ERGIC1: variants seen among roughly 807,000 people sequenced by gnomAD.
The protein encoded by ERGIC1 is endoplasmic reticulum-Golgi intermediate compartment protein 1.
A neutral mutation model predicts 38.3 loss-of-function variants in ERGIC1; 19 were observed. The observed-to-expected ratio is 0.50, with a 90% CI of 0.35 to 0.73. The LOEUF is 0.73. Among genes scored for constraint, ERGIC1 ranks in the 30% least tolerant of loss-of-function variants. ERGIC1 has a pLI of 0.01. For missense variants in ERGIC1, 294 were observed against 389.2 expected (o/e 0.76, Z 2.06); for synonymous variants, 124 against 157.6 (o/e 0.79, Z 1.60).
At chr5:172,839,858 C>A (rs887864432) in intron 1 of ERGIC1, among the ~76,000 whole-genome samples, 2 of 152,186 alleles carry the variant, frequency 1.3e-5, no homozygotes, top group Non-Finnish European at 2.9e-5. Context: ...CGTTCCCGTT[C>A]CTGGAGCTGG....
chr5:172,866,849 CT>C (rs986901566), intron 1 of ERGIC1: 2 of 302,682 alleles, frequency 6.6e-6, no homozygotes, highest in African/African-American at 4.5e-5. Flanking sequence ...TGGAGGTTTT[CT>C]TGACTCTAGC....
intron 4 of ERGIC1, among the ~76,000 whole-genome samples, chr5:172,913,819 T>C (rs17660328): frequency 0.27 from 40,625 of 152,096 alleles, 5,761 homozygotes; most frequent in South Asian, 0.33. Flanking sequence ...CTTTGTGCAT[T>C]CCTGGTGCTT....
chr5:172,860,541 G>A (rs921491356), intron 1 of ERGIC1, among the ~76,000 whole-genome samples: 3 of 152,250 alleles, frequency 2.0e-5, no homozygotes, highest in African/African-American at 7.2e-5. Context: ...CTGCATGCAC[G>A]GGAGCTCTTT....
chr5:172,949,151 A>T (rs1175865902), intron 9 of ERGIC1, among the ~76,000 whole-genome samples: 1 of 152,224 alleles, frequency 6.6e-6, no homozygotes, highest in Non-Finnish European at 1.5e-5. Context: ...TTTGTAGGCC[A>T]TAACATTTTG....
At chr5:172,882,170 G>A (rs1762300302) in intron 1 of ERGIC1, among the ~76,000 whole-genome samples, 1 of 152,180 alleles carries the variant, frequency 6.6e-6, no homozygotes, top group Non-Finnish European at 1.5e-5. Flanking sequence ...GCGTGGGAAT[G>A]GAGTCAGTAT....
Position 172,926,121 on chromosome 5 carries a change from A to T in ERGIC1, c.481-388A>T, listed in dbSNP as rs375159006. On this transcript the variant is annotated intron_variant, in intron 6 of 9. Coordinates refer to ENST00000393784, the MANE Select transcript of ERGIC1 (RefSeq NM_001031711.3). The surrounding 1 kb of genome is among the most constrained non-coding windows in gnomAD (Gnocchi z 5.2). ...TTGAATTTTCTGTGTGACTTCATGG[A>T]AAGAGTCCAGCTTAGTGTCAGACAG... is the stretch of plus-strand genomic sequence containing the variant. 2.4e-4 allele frequency among the ~76,000 whole-genome samples: 37 copies of T among 152,306 alleles called. 1 individual carries two copies. Among genetic ancestry groups the T allele is most frequent in the African/African-American group, 8.9e-4 (37 of 41,570 alleles).
At chr5:172,874,235 C>T (rs1025696586) in intron 1 of ERGIC1, among the ~76,000 whole-genome samples, 8 of 152,094 alleles carry the variant, frequency 5.3e-5, no homozygotes, top group Non-Finnish European at 8.8e-5. Flanking sequence ...CACGCCACCA[C>T]GCCTGGCTAC....
At chr5:172,855,986 G>C (rs1429922472) in intron 1 of ERGIC1, among the ~76,000 whole-genome samples, 1 of 152,210 alleles carries the variant, frequency 6.6e-6, no homozygotes, top group Admixed American at 6.5e-5. Context: ...TTTTGAAAAT[G>C]TCGACCTTTA....
intron 1 of ERGIC1, among the ~76,000 whole-genome samples, chr5:172,877,898 G>A (rs1762186355): frequency 6.6e-6 from 1 of 152,214 alleles, no homozygotes; most frequent in Admixed American, 6.5e-5. Context: ...ACCCAGCCCA[G>A]CAAGAGTGGA....
intron 3 of ERGIC1, among the ~76,000 whole-genome samples, chr5:172,900,304 C>T (rs1166267638): frequency 1.3e-5 from 2 of 152,188 alleles, no homozygotes; most frequent in African/African-American, 4.8e-5. Context: ...AGTGTGTTCC[C>T]ACTGCTCCCC....
intron 4 of ERGIC1, among the ~76,000 whole-genome samples, chr5:172,912,037 T>A (rs891287894): frequency 3.3e-5 from 5 of 151,784 alleles, no homozygotes; most frequent in African/African-American, 9.7e-5. Flanking sequence ...TTTTACATAA[T>A]TAATTGGGAC....
At position 172,834,588 on chromosome 5, in the gene ERGIC1, C is replaced by T. The variant is rs1022822624; in HGVS notation, c.20+155C>T. 3.0e-5 allele frequency among the ~76,000 whole-genome samples: 4 copies of T among 134,460 alleles called. No homozygotes were observed. Among genetic ancestry groups the T allele is most frequent in the South Asian group, 5.2e-4 (2 of 3,882 alleles). The allele number at this position is 134,460 out of a possible 152,430, so 88.2% of individuals were successfully genotyped here. A position where few individuals can be genotyped will look rare whatever the true frequency, so the allele number is the denominator to read the frequency against. ...CTAGGGACCCCAGGCGAGCCCCCCC[C>T]CTGCCGCACACGAAGCCAGCCAGAG... On this transcript the variant is annotated intron_variant, in intron 1 of 9. Coordinates refer to ENST00000393784, the MANE Select transcript of ERGIC1 (RefSeq NM_001031711.3). The surrounding 1 kb of genome is among the most constrained non-coding windows in gnomAD (Gnocchi z 4.1).
intron 1 of ERGIC1, chr5:172,867,569 C>A: frequency 4.6e-6 from 2 of 430,844 alleles, no homozygotes; most frequent in South Asian, 1.6e-5. Context: ...GGTGTTACTC[C>A]ACCCCCGAGT....
chr5:172,942,455 C>T (rs1764032434), intron 9 of ERGIC1, among the ~76,000 whole-genome samples: 1 of 152,112 alleles, frequency 6.6e-6, no homozygotes, highest in African/African-American at 2.4e-5. Context: ...GTTTAGTCAT[C>T]TCTGGTCTCC....
At chr5:172,861,461 G>T (rs939981139) in intron 1 of ERGIC1, among the ~76,000 whole-genome samples, 2 of 152,206 alleles carry the variant, frequency 1.3e-5, no homozygotes, top group Non-Finnish European at 2.9e-5. Flanking sequence ...TGCCTGTCTT[G>T]TTCATGCCTG....
chr5:172,906,437 G>C (rs973887944), intron 3 of ERGIC1, among the ~76,000 whole-genome samples: 1 of 152,110 alleles, frequency 6.6e-6, no homozygotes, highest in South Asian at 2.1e-4. Flanking sequence ...AATGCACGTA[G>C]TAGGCCTCCC....
intron 5 of ERGIC1, among the ~76,000 whole-genome samples, chr5:172,918,655 G>A (rs911625146): frequency 2.0e-5 from 3 of 152,226 alleles, no homozygotes; most frequent in Admixed American, 6.5e-5. Context: ...TCCAGAAAAC[G>A]CTGATGATGA....
intron 1 of ERGIC1, among the ~76,000 whole-genome samples, chr5:172,881,046 C>T (rs1054460159): frequency 1.1e-4 from 16 of 152,206 alleles, no homozygotes; most frequent in African/African-American, 2.6e-4. Flanking sequence ...GTTGGGAGTT[C>T]GAGACCAGCC....
intron 4 of ERGIC1, among the ~76,000 whole-genome samples, chr5:172,910,167 G>GGATGCTGTGGGGTA (rs1487407670): frequency 3.3e-5 from 5 of 152,206 alleles, no homozygotes; most frequent in African/African-American, 7.2e-5. Flanking sequence ...TGATCTCACA[G>GGATGCTGTGGGGTA]GATGCTGTGG....
Sources: gnomAD v4.1 joint callset for allele counts (sites outside exome capture counted in the v4.1 genomes callset) on GRCh38, gnomAD v4.1.1 for gene constraint, Gnocchi (gnomAD v3.1) non-coding constraint, MANE v1.5 for transcripts, NCBI Gene and HGNC (gene_info 2026-07-23, HGNC 2026-07-21) for gene names.